The following STK32B variants were observed in gnomAD, a reference collection of about 807,000 sequenced individuals.
STK32B encodes the protein serine/threonine-protein kinase 32B.
STK32B carries 43 observed loss-of-function variants against 52.6 expected under a neutral mutation model. That is an observed-to-expected ratio of 0.82 (90% CI 0.64 to 1.05). STK32B has a LOEUF of 1.05. Ranked by LOEUF, STK32B falls within the 50% of genes least tolerant of loss-of-function variation. The pLI, the probability that STK32B is intolerant of heterozygous loss-of-function variation, is 0.00. For missense variants in STK32B, 621 were observed against 534.6 expected (o/e 1.16, Z -1.59); for synonymous variants, 238 against 204.3 (o/e 1.17, Z -1.41).
the STK32B span, chr4:5,019,391 C>T: frequency 6.7e-7 from 1 of 1,491,632 alleles, no homozygotes; most frequent in Non-Finnish European, 8.9e-7. Context: ...GGCCGCGCGG[C>T]GGGGGCTCCC....
At chr4:5,074,193 T>TGG (rs1711943107) in intron 1 of STK32B, among the ~76,000 whole-genome samples, 1 of 151,258 alleles carries the variant, frequency 6.6e-6, no homozygotes, top group African/African-American at 2.4e-5. Context: ...TATATATGTG[T>TGG]GTGTGTGTGT....
intron 3 of STK32B, among the ~76,000 whole-genome samples, chr4:5,242,605 G>A (rs371900164): frequency 3.9e-5 from 6 of 152,064 alleles, no homozygotes; most frequent in African/African-American, 1.4e-4. Context: ...GTCAATTTTG[G>A]CTTTTGTTGC....
Position 5,168,460 on chromosome 4 carries a change from G to C in STK32B, c.260+10G>C, listed in dbSNP as rs753188345. ...TCCTGGTCAATCTGTGGTGAGTGTG[G>C]CTCCATCCAGGGCTCCTGTGGGTTC... On this transcript the variant is annotated intron_variant, in intron 3 of 11. Coordinates refer to ENST00000282908, the MANE Select transcript of STK32B (RefSeq NM_018401.3). 3 of 1,609,254 alleles carry C rather than the reference G, an allele frequency of 1.9e-6. No individual in the cohort carries two copies. In the African/African-American group the frequency reaches 4.0e-5, roughly 21 times the overall value.
intron 3 of STK32B, among the ~76,000 whole-genome samples, chr4:5,187,272 T>TC (rs1189027940): frequency 6.6e-6 from 1 of 152,228 alleles, no homozygotes; most frequent in Non-Finnish European, 1.5e-5. Flanking sequence ...CTCTTCATGC[T>TC]TTCCCAAGGG....
At chr4:5,036,749 C>A in the STK32B span, among the ~76,000 whole-genome samples, 14 of 148,272 alleles carry the variant, frequency 9.4e-5, no homozygotes, top group Non-Finnish European at 1.9e-4. Context: ...CTCACTGCAA[C>A]CTCCGCCTCC....
intron 4 of STK32B, among the ~76,000 whole-genome samples, chr4:5,384,161 C>T (rs1396587779): frequency 6.6e-6 from 1 of 152,142 alleles, no homozygotes; most frequent in Non-Finnish European, 1.5e-5. Flanking sequence ...GGGGTAGGCC[C>T]AGCTCATCAG....
intron 5 of STK32B, among the ~76,000 whole-genome samples, chr4:5,416,465 G>A (rs1273865975): frequency 7.2e-5 from 11 of 152,030 alleles, no homozygotes; most frequent in African/African-American, 2.7e-4. Flanking sequence ...CCTCTGGGTG[G>A]GAGAATCCTC....
intron 3 of STK32B, among the ~76,000 whole-genome samples, chr4:5,243,129 C>T (rs1427452680): frequency 6.6e-6 from 1 of 152,078 alleles, no homozygotes; most frequent in East Asian, 1.9e-4. Context: ...TCGTTGGTAG[C>T]TTGATGGGGA....
At chr4:5,365,747 T>A (rs1330908264) in intron 4 of STK32B, among the ~76,000 whole-genome samples, 1 of 152,216 alleles carries the variant, frequency 6.6e-6, no homozygotes, top group Non-Finnish European at 1.5e-5. Flanking sequence ...TGGGAGCTTG[T>A]CTTTGCTGTT....
At chr4:5,339,447 G>A (rs539521790) in intron 4 of STK32B, among the ~76,000 whole-genome samples, 1 of 152,214 alleles carries the variant, frequency 6.6e-6, no homozygotes, top group African/African-American at 2.4e-5. Flanking sequence ...CCCTTTCAAT[G>A]TGTGTATGTG....
intron 1 of STK32B, among the ~76,000 whole-genome samples, chr4:5,110,928 C>T (rs1311447894): frequency 6.6e-6 from 1 of 150,870 alleles, no homozygotes; most frequent in Non-Finnish European, 1.5e-5. Flanking sequence ...ATAAAATAAA[C>T]AACACCATTA....
chr4:5,125,727 C>T (rs559838515), intron 1 of STK32B, among the ~76,000 whole-genome samples: 1 of 152,324 alleles, frequency 6.6e-6, no homozygotes, highest in East Asian at 1.9e-4. Flanking sequence ...TTTCTATCTG[C>T]TTCTGCTTTC....
intron 2 of STK32B, among the ~76,000 whole-genome samples, chr4:5,149,104 G>T (rs1338564087): frequency 6.6e-6 from 1 of 151,696 alleles, no homozygotes; most frequent in Non-Finnish European, 1.5e-5. Flanking sequence ...TGTAAAGTTG[G>T]TGTTACTTTT....
At position 5,380,461 on chromosome 4, in the gene STK32B, A is replaced by G. The variant is rs909122238; in HGVS notation, c.435-17746A>G. ...GCTATGTCTAATTTTGTGAACAGATATTTTGTTCACAGGACAAGAATCCTG... is the reference window on the plus strand; with the variant it reads ...GCTATGTCTAATTTTGTGAACAGATGTTTTGTTCACAGGACAAGAATCCTG... On this transcript the variant is annotated intron_variant, in intron 4 of 11. Coordinates refer to ENST00000282908, the MANE Select transcript of STK32B (RefSeq NM_018401.3). This position sits in a 1 kb window ranked among gnomAD's most constrained non-coding sequence, Gnocchi z 4.3. Among the ~76,000 whole-genome samples the G allele has an allele frequency of 2.6e-5, 4 of 152,152 alleles. No individual in the cohort carries two copies. Among genetic ancestry groups the G allele is most frequent in the African/African-American group, 9.7e-5 (4 of 41,428 alleles).
chr4:5,075,129 A>G (rs1207894074), intron 1 of STK32B, among the ~76,000 whole-genome samples: 1 of 152,114 alleles, frequency 6.6e-6, no homozygotes, highest in Non-Finnish European at 1.5e-5. Context: ...ATTTTTGTGT[A>G]TTGTTATTTC....
chr4:5,036,123 A>T, the STK32B span, among the ~76,000 whole-genome samples: 4 of 152,210 alleles, frequency 2.6e-5, no homozygotes, highest in Admixed American at 6.5e-5. Context: ...GCTTTCAAAA[A>T]GTGTAACTTC....
At chr4:5,418,954 G>C (rs1186907878) in intron 6 of STK32B, among the ~76,000 whole-genome samples, 1 of 152,148 alleles carries the variant, frequency 6.6e-6, no homozygotes, top group African/African-American at 2.4e-5. Flanking sequence ...CTGAGCCCTT[G>C]GCAAAGCCTA....
intron 3 of STK32B, among the ~76,000 whole-genome samples, chr4:5,317,611 C>G (rs1006092600): frequency 2.1e-5 from 3 of 139,552 alleles, no homozygotes; most frequent in Non-Finnish European, 4.5e-5. Flanking sequence ...TGAAGCAACA[C>G]TCAGTGAACA....
intron 4 of STK32B, among the ~76,000 whole-genome samples, chr4:5,385,175 G>A (rs148646613): frequency 4.3e-4 from 65 of 152,248 alleles, no homozygotes; most frequent in Non-Finnish European, 8.7e-4. Flanking sequence ...CAGAGCTAGA[G>A]GGAATGGGGG....
Sources: allele counts gnomAD v4.1 joint callset (sites outside exome capture counted in the v4.1 genomes callset), GRCh38; gene constraint gnomAD v4.1.1; non-coding constraint Gnocchi (gnomAD v3.1); transcripts MANE v1.5; gene names NCBI Gene and HGNC (gene_info 2026-07-23, HGNC 2026-07-21).